MKLN1: variants seen among roughly 807,000 people sequenced by gnomAD.
MKLN1 encodes the protein muskelin.
In MKLN1, 18 loss-of-function variants were observed where a neutral mutation model predicts 99.0. The ratio of observed to expected loss-of-function variants is 0.18; its 90% CI spans 0.13 to 0.27. The LOEUF (loss-of-function observed/expected upper bound fraction) is 0.27. Ranked by LOEUF, MKLN1 falls within the 10% of genes least tolerant of loss-of-function variation. The pLI, the probability that MKLN1 is intolerant of heterozygous loss-of-function variation, is 1.00. For synonymous variants in MKLN1, 288 were observed against 293.2 expected (o/e 0.98, Z 0.18); for missense variants, 621 against 875.9 (o/e 0.71, Z 3.67).
intron 3 of MKLN1, among the ~76,000 whole-genome samples, chr7:131,222,143 C>T (rs938142944): frequency 6.6e-6 from 1 of 152,140 alleles, no homozygotes; most frequent in Admixed American, 6.5e-5. Context: ...ATCTGCCCAC[C>T]TCGGCCTCCC....
chr7:131,302,533 T>G (rs1039331240), intron 3 of MKLN1, among the ~76,000 whole-genome samples: 2 of 152,244 alleles, frequency 1.3e-5, no homozygotes, highest in African/African-American at 4.8e-5. Context: ...GTTAATTGCT[T>G]TTCTGAAATA....
intron 2 of MKLN1, among the ~76,000 whole-genome samples, chr7:131,181,182 T>G (rs1221772439): frequency 1.3e-5 from 2 of 152,194 alleles, no homozygotes; most frequent in African/African-American, 4.8e-5. Context: ...AATCCACTAC[T>G]TCCTCCTCCT....
At chr7:131,404,767 G>A (rs1358503192) in intron 6 of MKLN1, among the ~76,000 whole-genome samples, 1 of 151,542 alleles carries the variant, frequency 6.6e-6, no homozygotes, top group African/African-American at 2.4e-5. Context: ...ACTACACCCG[G>A]TTAATTTTTT....
intron 8 of MKLN1, among the ~76,000 whole-genome samples, chr7:131,426,332 C>T (rs1795355980): frequency 6.6e-6 from 1 of 152,126 alleles, no homozygotes; most frequent in Non-Finnish European, 1.5e-5. Context: ...AGGTCAATTG[C>T]TATTGCTATT....
At chr7:131,480,632 A>G (rs1158881345) in intron 17 of MKLN1, among the ~76,000 whole-genome samples, 2 of 152,210 alleles carry the variant, frequency 1.3e-5, no homozygotes. Flanking sequence ...ACCACTATTC[A>G]TACACTCGAG....
At chr7:131,441,487 C>A (rs764802116) in intron 10 of MKLN1, among the ~76,000 whole-genome samples, 2 of 152,054 alleles carry the variant, frequency 1.3e-5, no homozygotes, top group African/African-American at 2.4e-5. Flanking sequence ...AATGAATAGT[C>A]TTTAAACTTT....
intron 6 of MKLN1, 78 bp downstream of exon 6, chr7:131,399,511 T>C: frequency 2.5e-6 from 3 of 1,206,316 alleles, no homozygotes; most frequent in Non-Finnish European, 3.5e-6. Flanking sequence ...TATAGGCTTA[T>C]GCCAGTTATT....
chr7:131,142,156 C>A (rs1795743621), intron 1 of MKLN1, among the ~76,000 whole-genome samples: 1 of 151,760 alleles, frequency 6.6e-6, no homozygotes, highest in African/African-American at 2.4e-5. Context: ...GCCTGTAATC[C>A]CAACACTGGG....
chr7:131,159,204 G>T (rs1312905165), intron 2 of MKLN1, among the ~76,000 whole-genome samples: 2 of 151,984 alleles, frequency 1.3e-5, no homozygotes, highest in African/African-American at 4.8e-5. Flanking sequence ...AAGAAAAAAA[G>T]AAAAAGAAAG....
intron 2 of MKLN1, among the ~76,000 whole-genome samples, chr7:131,151,801 GCATA>G (rs1740350914): frequency 6.6e-6 from 1 of 151,948 alleles, no homozygotes; most frequent in African/African-American, 2.4e-5. Context: ...ATTTATGCAC[GCATA>G]CAAACACACA....
intron 8 of MKLN1, among the ~76,000 whole-genome samples, chr7:131,421,196 G>A (rs1434786106): frequency 6.6e-6 from 1 of 151,898 alleles, no homozygotes; most frequent in East Asian, 1.9e-4. Flanking sequence ...TGTATCCTTG[G>A]GTTTTTCTCT....
At chr7:131,227,419 CT>C (rs1330021120) in intron 3 of MKLN1, among the ~76,000 whole-genome samples, 2 of 145,216 alleles carry the variant, frequency 1.4e-5, no homozygotes, top group Non-Finnish European at 1.5e-5. Context: ...CCCTCTCTCT[CT>C]TTCTCCCTCT....
intron 2 of MKLN1, among the ~76,000 whole-genome samples, chr7:131,180,704 A>C (rs1180109694): frequency 6.6e-6 from 1 of 151,864 alleles, no homozygotes; most frequent in African/African-American, 2.4e-5. Flanking sequence ...GTCTCAAAAA[A>C]AAAAAAAAAG....
rs183836005 is a variant in MKLN1, at chr7:131,356,274, T to C, written c.99-19150T>C. ...TGATGAGTTTCAGGTGTTTTATATC[T>C]ATTAGCCTGCCTTTCCCTAGCTCCG... On this transcript the variant is annotated intron_variant, in intron 1 of 17. Coordinates refer to ENST00000352689, the MANE Select transcript of MKLN1 (RefSeq NM_013255.5). 3.7e-3 allele frequency among the ~76,000 whole-genome samples: 557 copies of C among 152,164 alleles called. 1 individual carries two copies. The highest frequency in any genetic ancestry group is 4.8e-3 in the Non-Finnish European group (327 of 68,000).
At chr7:131,481,813 C>CAAAAAA in intron 17 of MKLN1, among the ~76,000 whole-genome samples, 1 of 109,230 alleles carries the variant, frequency 9.2e-6, no homozygotes, top group Non-Finnish European at 1.9e-5. Flanking sequence ...CTAAGGTCTG[C>CAAAAAA]AAAAAAAAAA....
intron 3 of MKLN1, among the ~76,000 whole-genome samples, chr7:131,253,543 G>T (rs1383401099): frequency 6.6e-6 from 1 of 152,074 alleles, no homozygotes; most frequent in Non-Finnish European, 1.5e-5. Context: ...CAGAGCAGAG[G>T]TTCCACAAAG....
chr7:131,456,796 A>G (rs556491894), intron 12 of MKLN1, among the ~76,000 whole-genome samples: 6 of 151,778 alleles, frequency 4.0e-5, no homozygotes, highest in East Asian at 3.9e-4. Flanking sequence ...TTTCCTCTCT[A>G]TTTTCCTTAA....
intron 2 of MKLN1, among the ~76,000 whole-genome samples, chr7:131,154,023 A>G (rs1414189995): frequency 6.6e-6 from 1 of 152,134 alleles, no homozygotes; most frequent in Non-Finnish European, 1.5e-5. Flanking sequence ...TTACAAAAAA[A>G]TGGGGGGAGG....
At chr7:131,444,491 G>GT (rs1424331935) in intron 11 of MKLN1, among the ~76,000 whole-genome samples, 3 of 151,776 alleles carry the variant, frequency 2.0e-5, no homozygotes, top group African/African-American at 7.3e-5. Context: ...ATCTTTTTTT[G>GT]TAAGAGAAAA....
Sources: gnomAD v4.1 joint callset for allele counts (sites outside exome capture counted in the v4.1 genomes callset) on GRCh38, gnomAD v4.1.1 for gene constraint, MANE v1.5 for transcripts, NCBI Gene and HGNC (gene_info 2026-07-23, HGNC 2026-07-21) for gene names.